CTNND2: variants seen among roughly 807,000 people sequenced by gnomAD.
CTNND2 encodes catenin delta 2.
In CTNND2, 22 loss-of-function variants were observed where a neutral mutation model predicts 144.4. That is an observed-to-expected ratio of 0.15 (90% confidence interval 0.11 to 0.22). The LOEUF (loss-of-function observed/expected upper bound fraction) is 0.22. CTNND2 is among the 10% of genes least tolerant of loss of function. The probability of loss-of-function intolerance (pLI) is 1.00; values close to 1 mark genes in which losing one functional copy is unlikely to be tolerated. For missense variants in CTNND2, 1,353 were observed against 1,618.8 expected, an observed-to-expected ratio of 0.84 and a Z score of 2.82; for synonymous variants, 751 against 695.6, an observed-to-expected ratio of 1.08 and a Z score of -1.25.
At chr5:11,107,162 C>G (rs1276381089) in intron 14 of CTNND2, among the ~76,000 whole-genome samples, 1 of 152,172 alleles carries the variant, frequency 6.6e-6, no homozygotes, top group Non-Finnish European at 1.5e-5. Flanking sequence ...CTATGAATCT[C>G]TCTAGAAGGA....
At chr5:11,598,099 A>C (rs548304428) in intron 2 of CTNND2, among the ~76,000 whole-genome samples, 6 of 152,292 alleles carry the variant, frequency 3.9e-5, no homozygotes, top group African/African-American at 1.4e-4. Context: ...CCAATGAGGC[A>C]AGTTATTATT....
intron 16 of CTNND2, among the ~76,000 whole-genome samples, chr5:11,077,757 G>C (rs1242364884): frequency 6.6e-6 from 1 of 152,142 alleles, no homozygotes; most frequent in Non-Finnish European, 1.5e-5. Flanking sequence ...AGCCAGGAGA[G>C]GGATGATGAG....
At chr5:11,879,345 A>ATATATATATATATATATATATATG (rs1735828934) in intron 1 of CTNND2, among the ~76,000 whole-genome samples, 1 of 130,886 alleles carries the variant, frequency 7.6e-6, no homozygotes, top group Non-Finnish European at 1.7e-5. Context: ...ATGTGTGTAT[A>ATATATATATATATATATATATATG]TATATATATA....
Position 11,156,985 on chromosome 5 carries a change from G to C in CTNND2, c.2159+2591C>G, listed in dbSNP as rs567347820. Among the ~76,000 whole-genome samples the C allele has an allele frequency of 2.6e-5, 4 of 152,330 alleles. No homozygotes were observed. The East Asian group carries it at 5.8e-4, about 22-fold the overall frequency. Reference sequence around the variant, plus strand: ...TGTGTATTGTTTTAAGCACAGATCTGTTAGCAGTCTCCTATCCCATAACTT... The same window carrying C: ...TGTGTATTGTTTTAAGCACAGATCTCTTAGCAGTCTCCTATCCCATAACTT... On this transcript the variant is annotated intron_variant, in intron 12 of 21. Coordinates refer to ENST00000304623, the MANE Select transcript of CTNND2 (RefSeq NM_001332.4).
chr5:11,068,104 G>A (rs1747817748), intron 16 of CTNND2, among the ~76,000 whole-genome samples: 1 of 152,164 alleles, frequency 6.6e-6, no homozygotes, highest in African/African-American at 2.4e-5. Flanking sequence ...GGATATCTCA[G>A]AGGAAAAATA....
chr5:11,180,921 G>C (rs1459089242), intron 11 of CTNND2, among the ~76,000 whole-genome samples: 1 of 152,174 alleles, frequency 6.6e-6, no homozygotes, highest in African/African-American at 2.4e-5. Flanking sequence ...GAGCACTCCC[G>C]GTTGCCTGAG....
At chr5:11,488,971 C>G (rs1769116378) in intron 3 of CTNND2, among the ~76,000 whole-genome samples, 1 of 152,158 alleles carries the variant, frequency 6.6e-6, no homozygotes, top group South Asian at 2.1e-4. Flanking sequence ...TGAGGTTATT[C>G]AGGTTATTTC....
At chr5:11,102,604 A>C (rs1475799650) in intron 14 of CTNND2, among the ~76,000 whole-genome samples, 2 of 152,238 alleles carry the variant, frequency 1.3e-5, no homozygotes, top group South Asian at 4.1e-4. Context: ...ACTAATATCC[A>C]TAAAAAATCA....
chr5:11,845,893 G>A (rs749657916), intron 1 of CTNND2, among the ~76,000 whole-genome samples: 1 of 152,062 alleles, frequency 6.6e-6, no homozygotes, highest in Non-Finnish European at 1.5e-5. Context: ...ATTTAGAAAA[G>A]CATAAATGCC....
At chr5:11,104,454 A>G (rs914881014) in intron 14 of CTNND2, among the ~76,000 whole-genome samples, 3 of 152,176 alleles carry the variant, frequency 2.0e-5, no homozygotes, top group African/African-American at 4.8e-5. Flanking sequence ...TAAAAACCCA[A>G]GTCCATCCAC....
intron 9 of CTNND2, among the ~76,000 whole-genome samples, chr5:11,263,494 T>A (rs1161235044): frequency 6.6e-6 from 1 of 151,970 alleles, no homozygotes; most frequent in African/African-American, 2.4e-5. Context: ...ATTACAAATG[T>A]GTGTGTGCAT....
intron 2 of CTNND2, among the ~76,000 whole-genome samples, chr5:11,616,096 G>A (rs542708992): frequency 2.7e-4 from 41 of 152,198 alleles, no homozygotes; most frequent in African/African-American, 8.7e-4. Context: ...AGTTTGAAAC[G>A]GTGATATTGG....
intron 3 of CTNND2, among the ~76,000 whole-genome samples, chr5:11,506,035 C>A (rs1770997963): frequency 6.6e-6 from 1 of 152,086 alleles, no homozygotes; most frequent in Non-Finnish European, 1.5e-5. Flanking sequence ...TAGGGTGGTA[C>A]CCATGGTGTC....
chr5:11,823,864 T>G lies in CTNND2; in HGVS notation c.37+79953A>C, dbSNP rs1278553282. ...GGCTCACACCTATAATCCCATTACT[T>G]TGGGAGGCTGAGGCAGGCAGATTAC... is the stretch of plus-strand genomic sequence containing the variant. On this transcript the variant is annotated intron_variant, in intron 1 of 21. Transcript: ENST00000304623. Among the ~76,000 whole-genome samples the G allele has an allele frequency of 7.9e-5, 12 of 151,966 alleles. No individual in the cohort carries two copies. The East Asian group carries it at 2.3e-3, about 29-fold the overall frequency.
rs549395991 is a variant in CTNND2, at chr5:11,684,744, A to G, written c.174+47392T>C. Among the ~76,000 whole-genome samples, 11 of 152,256 alleles carry G rather than the reference A, an allele frequency of 7.2e-5. No homozygotes were observed. The South Asian group carries it at 2.3e-3, about 32-fold the overall frequency. On this transcript the variant is annotated intron_variant, in intron 2 of 21. Transcript: ENST00000304623. Reference sequence around the variant, plus strand: ...GTTAGGTGATCTGGTGATTGTTCCTATAGTTGCTATGTGCTTGGTCAACCA... The same window carrying G: ...GTTAGGTGATCTGGTGATTGTTCCTGTAGTTGCTATGTGCTTGGTCAACCA...
intron 3 of CTNND2, among the ~76,000 whole-genome samples, chr5:11,540,573 G>A (rs1774634477): frequency 6.6e-6 from 1 of 152,226 alleles, no homozygotes; most frequent in South Asian, 2.1e-4. Context: ...CTGGAGTGCA[G>A]TGGCACGGTC....
intron 9 of CTNND2, among the ~76,000 whole-genome samples, chr5:11,310,675 C>T (rs1165946637): frequency 6.6e-6 from 1 of 151,782 alleles, no homozygotes; most frequent in Non-Finnish European, 1.5e-5. Flanking sequence ...CTGCCTTTCC[C>T]CAGCGGCATC....
intron 2 of CTNND2, among the ~76,000 whole-genome samples, chr5:11,609,523 A>G (rs1199086967): frequency 2.0e-5 from 3 of 152,190 alleles, no homozygotes; most frequent in Non-Finnish European, 2.9e-5. Flanking sequence ...TGACACTCTC[A>G]TGGAGAGAAT....
chr5:11,647,085 C>A (rs1329899810), intron 2 of CTNND2, among the ~76,000 whole-genome samples: 2 of 152,222 alleles, frequency 1.3e-5, no homozygotes, highest in African/African-American at 4.8e-5. Flanking sequence ...AGTACTCGGT[C>A]ACCACTGTCC....
Sources: allele counts gnomAD v4.1 joint callset (sites outside exome capture counted in the v4.1 genomes callset), GRCh38; gene constraint gnomAD v4.1.1; transcripts MANE v1.5; gene names NCBI Gene and HGNC (gene_info 2026-07-23, HGNC 2026-07-21).